Variants in RAP1A observed in about 807,000 individuals in gnomAD.
RAP1A encodes the protein RAP1A, member of RAS oncogene family.
RAP1A carries 6 observed loss-of-function variants against 26.4 expected under a neutral mutation model. The ratio of observed to expected loss-of-function variants is 0.23; its 90% CI spans 0.12 to 0.45. The LOEUF (loss-of-function observed/expected upper bound fraction) is 0.45. Ranked by LOEUF, RAP1A falls within the 20% of genes least tolerant of loss-of-function variation. The probability of loss-of-function intolerance (pLI) is 0.99; values close to 1 mark genes in which losing one functional copy is unlikely to be tolerated. For synonymous variants in RAP1A, 73 were observed against 79.4 expected, an observed-to-expected ratio of 0.92 and a Z score of 0.43; for missense variants, 121 against 217.2, an observed-to-expected ratio of 0.56 and a Z score of 2.78.
At chr1:111,634,074 C>T (rs768351119) in intron 1 of RAP1A, among the ~76,000 whole-genome samples, 8 of 152,206 alleles carry the variant, frequency 5.3e-5, no homozygotes, top group Non-Finnish European at 1.2e-4. Context: ...ACAACACTCC[C>T]ATAACCACAT....
In RAP1A at chr1:111,550,143, C is replaced by G. The variant is rs145146213; in HGVS notation, c.-28+7634C>G. ...TTGCTCATAGTATTGCCTTATAATTCTTTTTATTTCTTTAAGATTGATAGT... is the reference window on the plus strand; with the variant it reads ...TTGCTCATAGTATTGCCTTATAATTGTTTTTATTTCTTTAAGATTGATAGT... On this transcript the variant is annotated intron_variant, in intron 1 of 7. Coordinates refer to the RAP1A transcript ENST00000356415. 1.7e-3 allele frequency among the ~76,000 whole-genome samples: 264 copies of G among 152,080 alleles called. 2 individuals carry two copies. The highest frequency in any genetic ancestry group is 6.2e-3 in the African/African-American group (259 of 41,468).
chr1:111,648,067 T>A (rs927401315), intron 1 of RAP1A, among the ~76,000 whole-genome samples: 3 of 152,128 alleles, frequency 2.0e-5, no homozygotes, highest in African/African-American at 7.2e-5. Context: ...TTTTATTTTT[T>A]AAATTTTATT....
chr1:111,662,333 T>C (rs187433640), intron 1 of RAP1A, among the ~76,000 whole-genome samples: 77 of 147,292 alleles, frequency 5.2e-4, no homozygotes, highest in Admixed American at 1.0e-3. Context: ...AGGCGGAGCT[T>C]GCAGTGAGCA....
intron 1 of RAP1A, among the ~76,000 whole-genome samples, chr1:111,635,925 A>T (rs781409196): frequency 6.6e-6 from 1 of 152,084 alleles, no homozygotes; most frequent in Non-Finnish European, 1.5e-5. Context: ...GACTGGAACA[A>T]TATCTTATGC....
chr1:111,547,100 T>C (rs1046903289), intron 1 of RAP1A, among the ~76,000 whole-genome samples: 1 of 152,210 alleles, frequency 6.6e-6, no homozygotes, highest in Non-Finnish European at 1.5e-5. Flanking sequence ...ATACAACTAA[T>C]TTTTGTATAT....
intron 1 of RAP1A, among the ~76,000 whole-genome samples, chr1:111,643,911 A>C (rs1324519523): frequency 2.0e-5 from 3 of 152,252 alleles, no homozygotes; most frequent in African/African-American, 7.2e-5. Context: ...TCTATATGGC[A>C]GGCCAACACA....
intron 1 of RAP1A, among the ~76,000 whole-genome samples, chr1:111,600,633 C>T (rs1269710872): frequency 6.6e-6 from 1 of 152,194 alleles, no homozygotes; most frequent in African/African-American, 2.4e-5. Context: ...TTGTAGATGG[C>T]CCCGCACCAC....
At chr1:111,646,230 CT>C (rs976660903) in intron 1 of RAP1A, among the ~76,000 whole-genome samples, 80 of 151,944 alleles carry the variant, frequency 5.3e-4, no homozygotes, top group Non-Finnish European at 1.0e-3. Flanking sequence ...GTTTTTTACA[CT>C]TTTTTTTCTC....
intron 1 of RAP1A, among the ~76,000 whole-genome samples, chr1:111,569,141 G>T (rs113295393): frequency 9.8e-4 from 149 of 152,178 alleles, no homozygotes; most frequent in African/African-American, 3.5e-3. Context: ...GGTGGCTCAC[G>T]CCTGTAATCC....
intron 1 of RAP1A, among the ~76,000 whole-genome samples, chr1:111,630,723 C>G (rs1659543759): frequency 6.6e-6 from 1 of 152,080 alleles, no homozygotes; most frequent in Non-Finnish European, 1.5e-5. Context: ...CCCGTTGGTG[C>G]AAAGGCCCTA....
intron 7 of RAP1A, 64 bp from the exon 8 acceptor site, chr1:111,712,367 G>C (rs1662410656): frequency 6.6e-6 from 1 of 152,282 alleles, no homozygotes; most frequent in African/African-American, 2.4e-5. Context: ...TGCTTGTTTA[G>C]TACCATTTTC....
intron 1 of RAP1A, among the ~76,000 whole-genome samples, chr1:111,575,445 A>C (rs1386450780): frequency 6.6e-6 from 1 of 152,170 alleles, no homozygotes; most frequent in Non-Finnish European, 1.5e-5. Flanking sequence ...GGGCCACCAC[A>C]CCCAGCCTGA....
chr1:111,697,578 A>G, intron 4 of RAP1A, 81 bp downstream of exon 4: 1 of 1,578,858 alleles, frequency 6.3e-7, no homozygotes, highest in South Asian at 1.2e-5. Context: ...TCATCCAGAT[A>G]ATTCTGAGTA....
At chr1:111,704,209 T>A in intron 5 of RAP1A, 134 bp from the exon 6 acceptor site, 1 of 845,040 alleles carries the variant, frequency 1.2e-6, no homozygotes, top group African/African-American at 1.7e-5. Flanking sequence ...CATATACTTT[T>A]CGTTAGTATT....
chr1:111,569,957 T>A (rs1658014178), intron 1 of RAP1A, among the ~76,000 whole-genome samples: 1 of 152,172 alleles, frequency 6.6e-6, no homozygotes, highest in African/African-American at 2.4e-5. Flanking sequence ...TCCTTCCACT[T>A]GGACAGGGAA....
chr1:111,674,704 A>G (rs74109853), intron 1 of RAP1A, among the ~76,000 whole-genome samples: 6,670 of 152,280 alleles, frequency 0.044, 301 homozygotes, highest in African/African-American at 0.11. Flanking sequence ...TGCTCAAGCT[A>G]GATACCTAGG....
At chr1:111,620,908 C>T (rs181990150) in intron 1 of RAP1A, among the ~76,000 whole-genome samples, 1 of 152,298 alleles carries the variant, frequency 6.6e-6, no homozygotes, top group East Asian at 1.9e-4. Context: ...ATGGGATCTC[C>T]TCTTAGGGCT....
intron 1 of RAP1A, among the ~76,000 whole-genome samples, chr1:111,560,960 A>G (rs914117771): frequency 6.6e-6 from 1 of 152,236 alleles, no homozygotes; most frequent in Non-Finnish European, 1.5e-5. Context: ...TCCAGAAGTC[A>G]GGTGAAAGAG....
At chr1:111,692,005 A>C (rs1007664131) in intron 2 of RAP1A, among the ~76,000 whole-genome samples, 3 of 152,212 alleles carry the variant, frequency 2.0e-5, no homozygotes, top group African/African-American at 7.2e-5. Flanking sequence ...ATTTAGAAGA[A>C]AGGCAGAGTG....
Sources: gnomAD v4.1 joint callset for allele counts (sites outside exome capture counted in the v4.1 genomes callset) on GRCh38, gnomAD v4.1.1 for gene constraint, MANE v1.5 for transcripts, NCBI Gene and HGNC (gene_info 2026-07-23, HGNC 2026-07-21) for gene names.